Variants in ARHGEF38 observed in about 807,000 individuals in gnomAD.
The protein encoded by ARHGEF38 is Rho guanine nucleotide exchange factor 38.
Under a neutral mutation model 79.9 loss-of-function variants are expected in ARHGEF38, and 79 were observed. That is an observed-to-expected ratio of 0.99 (90% CI 0.82 to 1.19). The LOEUF (loss-of-function observed/expected upper bound fraction) is 1.19. ARHGEF38 is among the 50% of genes most tolerant of loss of function. The pLI is 0.00. For missense variants in ARHGEF38, 962 were observed against 907.2 expected, an observed-to-expected ratio of 1.06 and a Z score of -0.78; for synonymous variants, 366 against 328.3, an observed-to-expected ratio of 1.11 and a Z score of -1.24.
At chr4:105,580,283 T>C (rs1247180835) in intron 1 of ARHGEF38, among the ~76,000 whole-genome samples, 1 of 152,178 alleles carries the variant, frequency 6.6e-6, no homozygotes, top group East Asian at 1.9e-4. Context: ...CTCTTCCTTC[T>C]TTAGCTCTTT....
intron 3 of ARHGEF38, among the ~76,000 whole-genome samples, chr4:105,616,347 T>C (rs550504464): frequency 3.3e-5 from 5 of 152,154 alleles, no homozygotes; most frequent in Non-Finnish European, 7.3e-5. Flanking sequence ...TTTAATTGAC[T>C]CACAGTTCTT....
intron 5 of ARHGEF38, among the ~76,000 whole-genome samples, chr4:105,636,833 T>A (rs1729416234): frequency 6.6e-6 from 1 of 152,096 alleles, no homozygotes; most frequent in African/African-American, 2.4e-5. Context: ...TTTATGAAAA[T>A]ATTAGATTTC....
At chr4:105,621,247 G>A (rs553105155) in intron 3 of ARHGEF38, among the ~76,000 whole-genome samples, 30 of 152,194 alleles carry the variant, frequency 2.0e-4, no homozygotes, top group Non-Finnish European at 4.1e-4. Flanking sequence ...AAAAATGGCT[G>A]TTGTTTCAAG....
In ARHGEF38 at chr4:105,667,456, A is replaced by G. The variant is rs568440483; in HGVS notation, c.1901A>G (p.Tyr634Cys). 235 of 1,536,194 alleles carry G rather than the reference A, an allele frequency of 1.5e-4. No homozygotes were observed. The African/African-American group carries it at 3.0e-3, about 20-fold the overall frequency. Residue 634 changes from tyrosine to cysteine, a missense_variant, in exon 13 of 14, where the codon TAT becomes TGT. Transcript: ENST00000420470. ...WLVDTGNVKG[Y>C]VYSSFLKPYN... is the part of the protein sequence containing the mutation. ...ATTTCCTATCCAGATGTGAAAGGAT[A>G]TGTTTATTCCTCCTTCCTAAAACCC... is the stretch of plus-strand genomic sequence containing the variant.
At chr4:105,568,689 G>A (rs1726062401) in intron 1 of ARHGEF38, among the ~76,000 whole-genome samples, 1 of 152,106 alleles carries the variant, frequency 6.6e-6, no homozygotes, top group Admixed American at 6.5e-5. Context: ...TATTATCTTT[G>A]TGTTCTCCAC....
At chr4:105,650,430 C>T (rs754404143) in intron 7 of ARHGEF38, among the ~76,000 whole-genome samples, 2 of 152,148 alleles carry the variant, frequency 1.3e-5, no homozygotes, top group Non-Finnish European at 1.5e-5. Context: ...CATTTCAGGG[C>T]CCAGTACCAG....
intron 2 of ARHGEF38, among the ~76,000 whole-genome samples, chr4:105,609,302 G>A (rs1441155384): frequency 2.0e-5 from 3 of 152,030 alleles, no homozygotes; most frequent in African/African-American, 7.2e-5. Context: ...TCAATCAACT[G>A]TAAAAGTGTG....
chr4:105,582,160 G>A lies in ARHGEF38; in HGVS notation c.197-7088G>A, dbSNP rs1286991577. ...AGCCTGGGCGACAGAGCTAGACTCC[G>A]TCTCAAAAAAAAAAAAAAAAATCTC... On this transcript the variant is annotated intron_variant, in intron 1 of 13. Coordinates refer to ENST00000420470, the MANE Select transcript of ARHGEF38 (RefSeq NM_001242729.2). Among the ~76,000 whole-genome samples, 45 of 19,330 alleles carry A rather than the reference G, an allele frequency of 2.3e-3. No homozygotes were observed. In the Middle Eastern group the frequency reaches 0.045, roughly 20 times the overall value. The allele number at this position is 19,330 out of a possible 152,430, so 12.7% of individuals were successfully genotyped here. A position where few individuals can be genotyped will look rare whatever the true frequency, so the allele number is the denominator to read the frequency against.
chr4:105,580,711 C>T (rs542246675), intron 1 of ARHGEF38, among the ~76,000 whole-genome samples: 15 of 151,870 alleles, frequency 9.9e-5, no homozygotes, highest in Non-Finnish European at 2.2e-4. Flanking sequence ...TTGTTTGTGT[C>T]TTTGTTTGTT....
chr4:105,591,051 G>A (rs965934591), intron 2 of ARHGEF38, among the ~76,000 whole-genome samples: 1 of 152,060 alleles, frequency 6.6e-6, no homozygotes, highest in African/African-American at 2.4e-5. Context: ...TGTTTAAGAT[G>A]TATGTTTATT....
At chr4:105,554,419 A>G (rs747361027) in intron 1 of ARHGEF38, among the ~76,000 whole-genome samples, 11 of 152,220 alleles carry the variant, frequency 7.2e-5, no homozygotes, top group Admixed American at 3.3e-4. Flanking sequence ...ATGTATGTCT[A>G]ATGTTTAGCT....
intron 4 of ARHGEF38, among the ~76,000 whole-genome samples, 175 bp from the exon 5 acceptor site, chr4:105,636,228 T>A (rs572608005): frequency 6.6e-6 from 1 of 152,168 alleles, no homozygotes; most frequent in East Asian, 1.9e-4. Context: ...AAAACTTTCA[T>A]CTTCTTTATT....
intron 5 of ARHGEF38, among the ~76,000 whole-genome samples, chr4:105,638,169 T>C (rs1729475289): frequency 6.6e-6 from 1 of 152,198 alleles, no homozygotes; most frequent in Admixed American, 6.5e-5. Context: ...GGTTTTTACA[T>C]GGCATTCAAT....
chr4:105,669,975 T>C (rs1221089653), intron 13 of ARHGEF38, among the ~76,000 whole-genome samples: 3 of 152,236 alleles, frequency 2.0e-5, no homozygotes, highest in African/African-American at 7.2e-5. Flanking sequence ...ATGTACTTTG[T>C]TGCTTTTTAT....
chr4:105,663,970 CAAA>C (rs58428081), intron 10 of ARHGEF38, among the ~76,000 whole-genome samples: 7 of 107,730 alleles, frequency 6.5e-5, no homozygotes, highest in South Asian at 3.6e-4. Flanking sequence ...AACTCCGTCT[CAAA>C]AAAAAAAAAA....
intron 1 of ARHGEF38, among the ~76,000 whole-genome samples, chr4:105,587,313 A>G (rs960584757): frequency 6.6e-6 from 1 of 152,182 alleles, no homozygotes. Flanking sequence ...GTTTCTGAAA[A>G]CAAAAAACAA....
intron 13 of ARHGEF38, 116 bp from the exon 14 acceptor site, chr4:105,677,636 G>C (rs1560766728): frequency 7.8e-6 from 7 of 903,056 alleles, no homozygotes; most frequent in East Asian, 2.7e-5. Flanking sequence ...TGGACAATGT[G>C]ACTTTGGCAA....
At position 105,655,664 on chromosome 4, in the gene ARHGEF38, A is replaced by T. The variant is rs757874020; in HGVS notation, c.1175A>T (p.Asp392Val). ...MDLQEISYNK[D>V]DEMDYSETLS... The stretch of plus-strand genomic sequence containing the variant: ...CTTCAGGAGATTTCATACAACAAAG[A>T]CGATGAGATGGACTATTCTGAGACC... Residue 392 changes from aspartate to valine, a missense_variant, in exon 9 of 14, where the codon GAC (aspartate) becomes GTC (valine). Transcript: ENST00000420470. The T allele has an allele frequency of 5.9e-5, 91 of 1,535,780 alleles. No individual in the cohort carries two copies. The highest frequency in any genetic ancestry group is 9.8e-5 in the Admixed American group (5 of 50,960).
chr4:105,659,849 TTGTGTGTGTGTG>T (rs59465723), intron 10 of ARHGEF38, among the ~76,000 whole-genome samples: 115 of 133,238 alleles, frequency 8.6e-4, no homozygotes, highest in African/African-American at 3.2e-3. Context: ...AAGCCTGGTT[TTGTGTGTGTGTG>T]TGTGTGTGTG....
Sources: allele counts gnomAD v4.1 joint callset (sites outside exome capture counted in the v4.1 genomes callset), GRCh38; gene constraint gnomAD v4.1.1; transcripts MANE v1.5; gene names NCBI Gene and HGNC (gene_info 2026-07-23, HGNC 2026-07-21).